VAV3: variants seen among roughly 807,000 people sequenced by gnomAD.
VAV3 encodes the protein vav guanine nucleotide exchange factor 3.
VAV3 carries 94 observed loss-of-function variants against 131.2 expected under a neutral mutation model. That is an observed-to-expected ratio of 0.72 (90% confidence interval 0.61 to 0.85). The LOEUF is 0.85. VAV3 is among the 40% of genes least tolerant of loss of function. The pLI is 0.00. For synonymous variants in VAV3, 349 were observed against 342.0 expected (o/e 1.02, Z -0.22); for missense variants, 939 against 1,002.7 (o/e 0.94, Z 0.86).
In VAV3 at chr1:107,761,262, A is replaced by G. The variant is rs972121844; in HGVS notation, c.922-383T>C. 4.6e-5 allele frequency among the ~76,000 whole-genome samples: 7 copies of G among 152,006 alleles called. 1 individual carries two copies. Among genetic ancestry groups the G allele is most frequent in the South Asian group, 4.2e-4 (2 of 4,816 alleles). ...AACAAAATTAGCCGGTCATGGTGGC[A>G]GGTGCCTGTAGTCCCAGCTACTCAG... is the stretch of plus-strand genomic sequence containing the variant. On this transcript the variant is annotated intron_variant, in intron 9 of 26. Transcript: ENST00000370056.
chr1:107,616,242 G>A lies in VAV3; in HGVS notation c.1980+1325C>T, dbSNP rs1207467670. 2.6e-5 allele frequency among the ~76,000 whole-genome samples: 4 copies of A among 152,106 alleles called. No individual in the cohort carries two copies. In the South Asian group the frequency reaches 8.3e-4, roughly 32 times the overall value. On this transcript the variant is annotated intron_variant, in intron 21 of 26. Transcript: ENST00000370056. ...GAAAATATGGTACATATACACCATGGAATACTATACAGCCATAAAAAGAAA... is the reference window on the plus strand; with the variant it reads ...GAAAATATGGTACATATACACCATGAAATACTATACAGCCATAAAAAGAAA...
At chr1:107,763,155 TA>T (rs1664534561) in intron 9 of VAV3, among the ~76,000 whole-genome samples, 1 of 152,244 alleles carries the variant, frequency 6.6e-6, no homozygotes, top group Non-Finnish European at 1.5e-5. Context: ...GTTGAAGTGT[TA>T]CACTAAGTAT....
intron 19 of VAV3, among the ~76,000 whole-genome samples, chr1:107,655,616 A>G (rs1432146750): frequency 6.6e-6 from 1 of 152,164 alleles, no homozygotes; most frequent in African/African-American, 2.4e-5. Context: ...GCAAAAATAG[A>G]ACACGATTAC....
intron 7 of VAV3, among the ~76,000 whole-genome samples, chr1:107,766,799 GA>G (rs1664757104): frequency 6.6e-6 from 1 of 151,682 alleles, no homozygotes. Context: ...AAGGAAAGGA[GA>G]AAAAAGAAGG....
chr1:107,885,237 A>C (rs993304197), intron 1 of VAV3, among the ~76,000 whole-genome samples: 54 of 141,284 alleles, frequency 3.8e-4, no homozygotes, highest in African/African-American at 1.4e-3. Context: ...AAAAGGTGAC[A>C]CATAAGTCTG....
intron 20 of VAV3, among the ~76,000 whole-genome samples, chr1:107,633,627 A>G (rs1570651816): frequency 1.3e-5 from 2 of 152,200 alleles, no homozygotes; most frequent in South Asian, 4.2e-4. Flanking sequence ...TTCCTCTTGT[A>G]TCTGGGCTGG....
intron 2 of VAV3, among the ~76,000 whole-genome samples, chr1:107,824,447 T>C (rs542175320): frequency 2.6e-5 from 4 of 152,302 alleles, no homozygotes; most frequent in African/African-American, 4.8e-5. Context: ...GATAATGACA[T>C]GTACATTTTC....
At chr1:107,789,372 G>T (rs944488068) in intron 2 of VAV3, among the ~76,000 whole-genome samples, 2 of 152,160 alleles carry the variant, frequency 1.3e-5, no homozygotes, top group East Asian at 1.9e-4. Context: ...TCTCGTCGTG[G>T]GGAACATGCC....
At chr1:107,945,791 C>T (rs1460249118) in intron 1 of VAV3, among the ~76,000 whole-genome samples, 1 of 144,538 alleles carries the variant, frequency 6.9e-6, no homozygotes, top group African/African-American at 2.6e-5. Flanking sequence ...CATTACACTC[C>T]AGCTTGAGCG....
At chr1:107,886,093 G>A (rs544893990) in intron 1 of VAV3, among the ~76,000 whole-genome samples, 1 of 152,182 alleles carries the variant, frequency 6.6e-6, no homozygotes, top group African/African-American at 2.4e-5. Flanking sequence ...CAAAATTTTG[G>A]AGGAAATGCA....
chr1:107,702,062 G>A (rs149907026), intron 17 of VAV3, among the ~76,000 whole-genome samples: 13 of 152,136 alleles, frequency 8.5e-5, no homozygotes, highest in African/African-American at 3.1e-4. Context: ...GTATTAGTCC[G>A]TCCTCCCACT....
chr1:107,593,888 T>C (rs1182946020), intron 25 of VAV3, among the ~76,000 whole-genome samples: 1 of 152,116 alleles, frequency 6.6e-6, no homozygotes, highest in Non-Finnish European at 1.5e-5. Flanking sequence ...GCAGCAGTAG[T>C]AGAGGAAGTA....
chr1:107,866,847 A>AC (rs1485652401), intron 2 of VAV3, among the ~76,000 whole-genome samples: 1 of 141,290 alleles, frequency 7.1e-6, no homozygotes, highest in Non-Finnish European at 1.6e-5. Flanking sequence ...AAAAAAAAAA[A>AC]ATAGGGCATT....
intron 15 of VAV3, among the ~76,000 whole-genome samples, chr1:107,734,926 A>G (rs1231878265): frequency 6.6e-6 from 1 of 152,212 alleles, no homozygotes; most frequent in African/African-American, 2.4e-5. Context: ...ACCACATCAC[A>G]CTTATTCCAA....
At chr1:107,916,968 G>T (rs555458015) in intron 1 of VAV3, among the ~76,000 whole-genome samples, 1 of 152,256 alleles carries the variant, frequency 6.6e-6, no homozygotes, top group East Asian at 1.9e-4. Context: ...AAGTGTGAAG[G>T]CAGTGACTGG....
chr1:107,608,035 G>T (rs1317929358), intron 22 of VAV3, among the ~76,000 whole-genome samples: 1 of 151,274 alleles, frequency 6.6e-6, no homozygotes, highest in African/African-American at 2.4e-5. Flanking sequence ...TAAATAGATT[G>T]TCCAGGTTGC....
At chr1:107,701,956 C>A (rs1454644996) in intron 17 of VAV3, among the ~76,000 whole-genome samples, 1 of 152,226 alleles carries the variant, frequency 6.6e-6, no homozygotes, top group Non-Finnish European at 1.5e-5. Context: ...GCCCTCCAAA[C>A]TGTTCCAACC....
At chr1:107,731,969 A>C (rs1371629968) in intron 15 of VAV3, among the ~76,000 whole-genome samples, 1 of 152,226 alleles carries the variant, frequency 6.6e-6, no homozygotes, top group Non-Finnish European at 1.5e-5. Flanking sequence ...TTGAAGCGAA[A>C]GCATATACAC....
At chr1:107,917,302 C>T (rs1466865525) in intron 1 of VAV3, among the ~76,000 whole-genome samples, 1 of 152,166 alleles carries the variant, frequency 6.6e-6, no homozygotes, top group South Asian at 2.1e-4. Flanking sequence ...AGACAGCTCA[C>T]TCAGCATTCA....
Sources: allele counts gnomAD v4.1 joint callset (sites outside exome capture counted in the v4.1 genomes callset), GRCh38; gene constraint gnomAD v4.1.1; transcripts MANE v1.5; gene names NCBI Gene and HGNC (gene_info 2026-07-23, HGNC 2026-07-21).